ZFPM1: variants seen among roughly 807,000 people sequenced by gnomAD.
ZFPM1 encodes zinc finger protein ZFPM1.
Under a neutral mutation model 46.3 loss-of-function variants are expected in ZFPM1, and 28 were observed. The observed-to-expected ratio is 0.60, with a 90% CI of 0.45 to 0.83. The LOEUF is 0.83. ZFPM1 is among the 40% of genes least tolerant of loss of function. The pLI is 0.00. For synonymous variants in ZFPM1, 957 were observed against 675.9 expected (o/e 1.42, Z -6.45); for missense variants, 1,878 against 1,432.4 (o/e 1.31, Z -5.02).
intron 1 of ZFPM1, among the ~76,000 whole-genome samples, chr16:88,455,107 C>T (rs1381887244): frequency 6.6e-6 from 1 of 151,428 alleles, no homozygotes; most frequent in Non-Finnish European, 1.5e-5. Flanking sequence ...TCCTTCCTTC[C>T]CTGAGCGCCT....
chr16:88,533,151 G>A lies in ZFPM1; in HGVS notation c.1193G>A (p.Ser398Asn), dbSNP rs770903760. 6.9e-5 allele frequency: 102 copies of A among 1,476,664 alleles called. No individual in the cohort carries two copies. Among genetic ancestry groups the A allele is most frequent in the Admixed American group, 9.2e-5 (4 of 43,348 alleles). The allele number at this position is 1,476,664 out of a possible 1,614,324, so 91.5% of individuals were successfully genotyped here. The part of the protein sequence containing the change: ...GHPATKLPPD[S>N]LGSFQQQHTA... Reference sequence around the variant, plus strand: ...CACCCCTGCGATCTCTCTGCAGACAGTCTGGGCAGCTTCCAGCAGCAGCAC... The same window carrying A: ...CACCCCTGCGATCTCTCTGCAGACAATCTGGGCAGCTTCCAGCAGCAGCAC... Residue 398 changes from serine to asparagine, a missense_variant, in exon 10 of 10, where the codon AGT becomes AAT. Transcript: ENST00000319555.
intron 4 of ZFPM1, among the ~76,000 whole-genome samples, chr16:88,523,367 C>T (rs761144522): frequency 7.2e-5 from 11 of 152,318 alleles, no homozygotes; most frequent in South Asian, 2.1e-4. Flanking sequence ...CAGGCAGACC[C>T]GTGCCCGGCC....
intron 1 of ZFPM1, among the ~76,000 whole-genome samples, chr16:88,455,627 C>G (rs1244396751): frequency 6.6e-6 from 1 of 151,912 alleles, no homozygotes; most frequent in African/African-American, 2.4e-5. Flanking sequence ...GGGCCGCCCA[C>G]CCCCCACCCG....
chr16:88,504,721 C>G (rs1910556515), intron 3 of ZFPM1, among the ~76,000 whole-genome samples: 1 of 152,194 alleles, frequency 6.6e-6, no homozygotes, highest in Non-Finnish European at 1.5e-5. Flanking sequence ...GTAGTGGTGT[C>G]TGAGACCACA....
intron 1 of ZFPM1, among the ~76,000 whole-genome samples, chr16:88,473,530 G>C (rs1329832597): frequency 6.6e-6 from 1 of 152,130 alleles, no homozygotes; most frequent in Non-Finnish European, 1.5e-5. Context: ...TCTGGGTGCT[G>C]CGCCCCACTT....
chr16:88,462,137 C>G (rs1038906652), intron 1 of ZFPM1, among the ~76,000 whole-genome samples: 1 of 152,226 alleles, frequency 6.6e-6, no homozygotes, highest in African/African-American at 2.4e-5. Flanking sequence ...ATAAGCAGGC[C>G]CCTCCCCTCA....
rs558453108 is a variant in ZFPM1, at chr16:88,475,395, C to T, written c.41-10544C>T. Reference sequence around the variant, plus strand: ...TCGCTGAGCTGTGATCCTCCTATGACGTGGAGCCAGGAGGAGAAACTGAGG... The same window carrying T: ...TCGCTGAGCTGTGATCCTCCTATGATGTGGAGCCAGGAGGAGAAACTGAGG... On this transcript the variant is annotated intron_variant, in intron 1 of 9. Coordinates refer to ENST00000319555, the MANE Select transcript of ZFPM1 (RefSeq NM_153813.3). Among the ~76,000 whole-genome samples the T allele has an allele frequency of 5.3e-5, 8 of 152,210 alleles. No individual in the cohort carries two copies. The East Asian group carries it at 5.8e-4, about 11-fold the overall frequency.
At chr16:88,529,467 C>T (rs1912610849) in intron 6 of ZFPM1, among the ~76,000 whole-genome samples, 2 of 152,188 alleles carry the variant, frequency 1.3e-5, no homozygotes, top group African/African-American at 4.8e-5. Flanking sequence ...GGGGGGATGT[C>T]AGCCCGTATG....
rs777926264 is a variant in ZFPM1 at position 88,534,942 on chromosome 16, A to G, written c.2984A>G (p.Tyr995Cys). The change falls in exon 10 of 10, where the codon TAT becomes TGT. Residue 995 changes from tyrosine (Y) to cysteine (C), a missense_variant. Transcript: ENST00000319555. ...SLSTFIAHKK[Y>C]YCSSHAAEHV... is the part of the protein sequence containing the mutation. ...TCCACCTTCATCGCCCACAAGAAGTATTACTGCTCCTCGCACGCCGCCGAG... is the reference window on the plus strand; with the variant it reads ...TCCACCTTCATCGCCCACAAGAAGTGTTACTGCTCCTCGCACGCCGCCGAG... The G allele has an allele frequency of 6.6e-6, 10 of 1,525,976 alleles. No individual in the cohort carries two copies. Among genetic ancestry groups the G allele is most frequent in the Non-Finnish European group, 8.8e-6 (10 of 1,133,074 alleles). The allele number at this position is 1,525,976 out of a possible 1,614,324, so 94.5% of individuals were successfully genotyped here. A position where few individuals can be genotyped will look rare whatever the true frequency, so the allele number is the denominator to read the frequency against.
intron 3 of ZFPM1, among the ~76,000 whole-genome samples, chr16:88,502,040 CG>C (rs1910374469): frequency 6.8e-6 from 1 of 146,648 alleles, no homozygotes; most frequent in East Asian, 2.1e-4. Flanking sequence ...CCTCCACCCC[CG>C]ACGCGGCTCC....
At chr16:88,496,897 G>A (rs1482057769) in intron 3 of ZFPM1, among the ~76,000 whole-genome samples, 7 of 152,234 alleles carry the variant, frequency 4.6e-5, no homozygotes, top group Admixed American at 4.6e-4. Context: ...CGGGGGCTCA[G>A]CAAGGTGAGG....
rs967655357 is a variant in ZFPM1 at position 88,533,859 on chromosome 16, C to G, written c.1901C>G (p.Ala634Gly). The part of the protein sequence containing the change: ...APPGQPAEPD[A>G]PRSSPGPGAR... ...CCCGGCCAGCCCGCCGAACCCGACGCGCCGCGCTCGTCCCCGGGCCCCGGA... is the reference window on the plus strand; with the variant it reads ...CCCGGCCAGCCCGCCGAACCCGACGGGCCGCGCTCGTCCCCGGGCCCCGGA... The change falls in exon 10 of 10, where the codon GCG (alanine) becomes GGG (glycine). Residue 634 changes from alanine (A) to glycine (G), a missense_variant. Physicochemically the swap from Ala to Gly is moderately conservative, Grantham distance 60. Transcript: ENST00000319555. 3 of 984,612 alleles carry G rather than the reference C, an allele frequency of 3.0e-6. No homozygotes were observed. The African/African-American group carries it at 5.3e-5, about 18-fold the overall frequency. 61.0% of individuals were successfully genotyped at this position (984,612 alleles called of 1,614,324 possible). A position where few individuals can be genotyped will look rare whatever the true frequency, so the allele number is the denominator to read the frequency against.
intron 3 of ZFPM1, among the ~76,000 whole-genome samples, chr16:88,506,821 T>C (rs1910688336): frequency 6.6e-6 from 1 of 152,180 alleles, no homozygotes; most frequent in African/African-American, 2.4e-5. Flanking sequence ...GAAGCCAGGC[T>C]AATCTGCAGA....
intron 3 of ZFPM1, among the ~76,000 whole-genome samples, chr16:88,494,537 G>A (rs888349506): frequency 1.3e-5 from 2 of 152,300 alleles, no homozygotes; most frequent in South Asian, 4.1e-4. Flanking sequence ...AGCAAACCCA[G>A]GAAGCGAGGG....
At position 88,514,540 on chromosome 16, in the gene ZFPM1, G is replaced by A. The variant is rs541947948; in HGVS notation, c.402+20G>A. 8.6e-5 allele frequency: 104 copies of A among 1,203,316 alleles called. No homozygotes were observed. Among genetic ancestry groups the A allele is most frequent in the Middle Eastern group, 5.6e-4 (2 of 3,588 alleles). 74.5% of individuals were successfully genotyped at this position (1,203,316 alleles called of 1,614,324 possible). ...GAGCCGGTAAGAAGCCCCCATCCCC[G>A]CCCCTGCCCGCCCACCCCAATGCAG... is the stretch of plus-strand genomic sequence containing the variant. On this transcript the variant is annotated intron_variant, in intron 4 of 9. Transcript: ENST00000319555.
At chr16:88,509,328 C>T (rs1567544647) in intron 3 of ZFPM1, among the ~76,000 whole-genome samples, 2 of 152,242 alleles carry the variant, frequency 1.3e-5, no homozygotes, top group Non-Finnish European at 2.9e-5. Flanking sequence ...AGGGCGGGGC[C>T]GGGCGGAGCG....
rs867346366 is a variant in ZFPM1 at position 88,461,008 on chromosome 16, C to G, written c.40+7330C>G. ...GAGGGGCGGGAGGCCTGGTGAGGAC[C>G]GAGGGGTGGGGCGGGAGGCCTGGTG... On this transcript the variant is annotated intron_variant, in intron 1 of 9. Coordinates refer to ENST00000319555, the MANE Select transcript of ZFPM1 (RefSeq NM_153813.3). 7.7e-4 allele frequency among the ~76,000 whole-genome samples: 29 copies of G among 37,710 alleles called. 1 individual carries two copies. Among genetic ancestry groups the G allele is most frequent in the African/African-American group, 3.5e-3 (29 of 8,386 alleles). The allele number at this position is 37,710 out of a possible 152,430, so 24.7% of individuals were successfully genotyped here.
At chr16:88,458,149 C>A (rs1016964665) in intron 1 of ZFPM1, among the ~76,000 whole-genome samples, 7 of 152,278 alleles carry the variant, frequency 4.6e-5, no homozygotes, top group African/African-American at 1.7e-4. Flanking sequence ...CCCAGGCGGC[C>A]GGGCCTGCGC....
intron 3 of ZFPM1, among the ~76,000 whole-genome samples, chr16:88,490,999 A>ACAGGCGCTGGTGCCTTCGGGGCTCTCGGT (rs1160773881): frequency 2.0e-4 from 29 of 147,922 alleles, no homozygotes; most frequent in South Asian, 1.3e-3. Flanking sequence ...CGGGGGTCAG[A>ACAGGCGCTGGTGCCTTCGGGGCTCTCGGT]CAGGCGCTGG....
Sources: allele counts gnomAD v4.1 joint callset (sites outside exome capture counted in the v4.1 genomes callset), GRCh38; gene constraint gnomAD v4.1.1; transcripts MANE v1.5; gene names NCBI Gene and HGNC (gene_info 2026-07-23, HGNC 2026-07-21).